PRKG1: variants seen among roughly 807,000 people sequenced by gnomAD.
PRKG1 encodes the protein protein kinase cGMP-dependent 1.
PRKG1 carries 35 observed loss-of-function variants against 88.1 expected under a neutral mutation model. That is an observed-to-expected ratio of 0.40 (90% confidence interval 0.30 to 0.53). The LOEUF (loss-of-function observed/expected upper bound fraction) is 0.53. Among genes scored for constraint, PRKG1 ranks in the 20% least tolerant of loss-of-function variants. PRKG1 has a pLI of 0.59. For missense variants in PRKG1, 540 were observed against 839.8 expected (o/e 0.64, Z 4.41); for synonymous variants, 303 against 292.5 (o/e 1.04, Z -0.37).
At chr10:51,600,830 C>A (rs1037918400) in intron 3 of PRKG1, among the ~76,000 whole-genome samples, 16 of 151,752 alleles carry the variant, frequency 1.1e-4, no homozygotes, top group African/African-American at 3.9e-4. Flanking sequence ...AACAAAGTTT[C>A]TTATTTATTG....
chr10:51,934,261 CCCCAA>C (rs1842758034), intron 5 of PRKG1, among the ~76,000 whole-genome samples: 1 of 150,676 alleles, frequency 6.6e-6, no homozygotes, highest in South Asian at 2.1e-4. Context: ...CATACCCCCC[CCCCAA>C]CACCGCCCAC....
chr10:51,294,554 G>A (rs1313049482), intron 2 of PRKG1, among the ~76,000 whole-genome samples: 1 of 152,120 alleles, frequency 6.6e-6, no homozygotes, highest in Non-Finnish European at 1.5e-5. Context: ...TGGTGCAATA[G>A]TAATTGTGGT....
chr10:51,687,340 G>C (rs1020789743), intron 3 of PRKG1, among the ~76,000 whole-genome samples: 1 of 152,124 alleles, frequency 6.6e-6, no homozygotes, highest in Non-Finnish European at 1.5e-5. Flanking sequence ...AACTATTCTT[G>C]TTATACTGGT....
chr10:51,981,951 G>C (rs1844021117), intron 5 of PRKG1, among the ~76,000 whole-genome samples: 1 of 152,108 alleles, frequency 6.6e-6, no homozygotes, highest in African/African-American at 2.4e-5. Flanking sequence ...AGGGACACCA[G>C]TGAGTTGTGG....
intron 1 of PRKG1, among the ~76,000 whole-genome samples, chr10:51,014,303 G>A (rs1016789465): frequency 6.8e-6 from 1 of 146,922 alleles, no homozygotes; most frequent in Non-Finnish European, 1.5e-5. Flanking sequence ...AGCTACTCCT[G>A]CATGCAGGCA....
intron 2 of PRKG1, among the ~76,000 whole-genome samples, chr10:51,268,727 A>C (rs148347966): frequency 6.6e-6 from 1 of 152,132 alleles, no homozygotes; most frequent in East Asian, 1.9e-4. Context: ...GGCGACATAC[A>C]TCCTCCTCAG....
intron 10 of PRKG1, chr10:52,253,414 G>A (rs1262371635): frequency 1.3e-5 from 2 of 152,058 alleles, no homozygotes; most frequent in Non-Finnish European, 2.9e-5. Context: ...ATACCAAGCT[G>A]ATAGTGCAAA....
chr10:51,567,763 T>A (rs1330561680), intron 3 of PRKG1, among the ~76,000 whole-genome samples: 1 of 152,014 alleles, frequency 6.6e-6, no homozygotes, highest in Non-Finnish European at 1.5e-5. Flanking sequence ...ATTTTTGTAT[T>A]TTTTGTAGAG....
intron 5 of PRKG1, among the ~76,000 whole-genome samples, chr10:51,948,847 C>A (rs2133048268): frequency 6.6e-6 from 1 of 152,250 alleles, no homozygotes; most frequent in South Asian, 2.1e-4. Flanking sequence ...GTAGGGCAAT[C>A]TTTTCAAAGT....
chr10:51,833,824 T>C (rs1840062287), intron 4 of PRKG1, among the ~76,000 whole-genome samples: 1 of 152,216 alleles, frequency 6.6e-6, no homozygotes, highest in South Asian at 2.1e-4. Context: ...CTTTTACTTG[T>C]TGACCAATGT....
Position 51,042,011 on chromosome 10 carries a change from A to T in PRKG1, c.266+50367A>T, listed in dbSNP as rs115860251. The stretch of plus-strand genomic sequence containing the variant: ...GAACCTGAGTCTCCATGCTTAGACC[A>T]TGTCCTCTGAGCCAGCAAAGTAAAA... On this transcript the variant is annotated intron_variant, in intron 1 of 17. Transcript: ENST00000401604. 1.5e-3 allele frequency among the ~76,000 whole-genome samples: 233 copies of T among 152,256 alleles called. 2 individuals carry two copies. The highest frequency in any genetic ancestry group is 5.6e-3 in the African/African-American group (231 of 41,552).
chr10:51,089,243 T>A (rs1028270602), intron 1 of PRKG1, among the ~76,000 whole-genome samples: 18 of 152,192 alleles, frequency 1.2e-4, no homozygotes, highest in African/African-American at 4.3e-4. Flanking sequence ...CATAAATTGG[T>A]TAATCTTAAA....
Position 51,793,138 on chromosome 10 carries a change from CAA to C in PRKG1, c.593-11428_593-11427del, listed in dbSNP as rs775904836. ...TATTTTAAAGAAGGTCAGCACACTGCAAAAAAAAAAAAAAAAAAAACCAGAAC... is the reference window on the plus strand; with the variant it reads ...TATTTTAAAGAAGGTCAGCACACTGCAAAAAAAAAAAAAAAAAACCAGAAC... On this transcript the variant is annotated intron_variant, in intron 3 of 17. Transcript: ENST00000373980. Among the ~76,000 whole-genome samples, 51 of 69,732 alleles carry C rather than the reference CAA, an allele frequency of 7.3e-4. No individual in the cohort carries two copies. In the East Asian group the frequency reaches 8.6e-3, roughly 12 times the overall value. 45.7% of individuals were successfully genotyped at this position (69,732 alleles called of 152,430 possible).
At chr10:51,459,882 T>C (rs974335593) in intron 2 of PRKG1, among the ~76,000 whole-genome samples, 14 of 152,176 alleles carry the variant, frequency 9.2e-5, no homozygotes, top group Admixed American at 5.9e-4. Flanking sequence ...ATGATTTAGT[T>C]AAATATGCAA....
Position 52,171,763 on chromosome 10 carries a change from A to G in PRKG1, c.1076+9800A>G, listed in dbSNP as rs980400015. 2.7e-5 allele frequency among the ~76,000 whole-genome samples: 4 copies of G among 147,564 alleles called. 1 individual carries two copies. Among genetic ancestry groups the G allele is most frequent in the African/African-American group, 1.0e-4 (4 of 39,218 alleles). ...AGGACAAAACTACTCGGCCTTGAAT[A>G]GAAGTATTTTTCTTTTATCAAAATT... On this transcript the variant is annotated intron_variant, in intron 9 of 17. Transcript: ENST00000373980.
chr10:52,128,157 T>G (rs1338073999), intron 7 of PRKG1: 1 of 985,088 alleles, frequency 1.0e-6, no homozygotes, highest in Non-Finnish European at 1.2e-6. Context: ...TGACAGAGAG[T>G]AAAGAGCTCT....
chr10:51,990,293 A>C (rs1235233702), intron 5 of PRKG1, among the ~76,000 whole-genome samples: 2 of 152,108 alleles, frequency 1.3e-5, no homozygotes, highest in East Asian at 3.9e-4. Flanking sequence ...CTTTTTGCCC[A>C]AGATTGCTTT....
intron 2 of PRKG1, among the ~76,000 whole-genome samples, chr10:51,440,702 A>C (rs1839077355): frequency 6.6e-6 from 1 of 151,966 alleles, no homozygotes; most frequent in African/African-American, 2.4e-5. Flanking sequence ...TACAAGCCAG[A>C]AGGTCAAATC....
At chr10:52,159,318 A>G (rs1838216694) in intron 8 of PRKG1, among the ~76,000 whole-genome samples, 1 of 151,632 alleles carries the variant, frequency 6.6e-6, no homozygotes, top group Non-Finnish European at 1.5e-5. Context: ...CATTAGGACA[A>G]CATAGAACAT....
Sources: allele counts gnomAD v4.1 joint callset (sites outside exome capture counted in the v4.1 genomes callset), GRCh38; gene constraint gnomAD v4.1.1; transcripts MANE v1.5; gene names NCBI Gene and HGNC (gene_info 2026-07-23, HGNC 2026-07-21).